The following LRIG1 variants were observed in gnomAD, a reference collection of about 807,000 sequenced individuals.
LRIG1 encodes leucine-rich repeats and immunoglobulin-like domains protein 1.
A neutral mutation model predicts 99.2 loss-of-function variants in LRIG1; 48 were observed. The observed-to-expected ratio is 0.48, with a 90% CI of 0.38 to 0.62. The LOEUF (loss-of-function observed/expected upper bound fraction) is 0.62, where lower values mean the gene tolerates loss of function less well. Among genes scored for constraint, LRIG1 ranks in the 20% least tolerant of loss-of-function variants. The pLI, the probability that LRIG1 is intolerant of heterozygous loss-of-function variation, is 0.00. For synonymous variants in LRIG1, 772 were observed against 596.1 expected (o/e 1.29, Z -4.30); for missense variants, 1,646 against 1,434.4 (o/e 1.15, Z -2.38).
At chr3:66,490,281 C>T (rs1701073109) in intron 1 of LRIG1, among the ~76,000 whole-genome samples, 1 of 152,202 alleles carries the variant, frequency 6.6e-6, no homozygotes, top group Admixed American at 6.5e-5. Flanking sequence ...TGGATCTCCC[C>T]TCCTCCAAGA....
At chr3:66,440,369 C>T (rs796350519) in intron 3 of LRIG1, among the ~76,000 whole-genome samples, 1 of 152,262 alleles carries the variant, frequency 6.6e-6, no homozygotes, top group African/African-American at 2.4e-5. Context: ...CTGCTTGCTG[C>T]ACCTACCCCA....
In LRIG1 at chr3:66,500,431, T is replaced by A; in HGVS notation, c.-24A>T. The stretch of plus-strand genomic sequence containing the variant: ...ATCTTGTCTGGAGCGCGCTGCGAAC[T>A]CCGGGCGCGGGGACTGTGAGGACCC... On this transcript the variant is annotated 5_prime_UTR_variant, in exon 1 of 19. Transcript: ENST00000273261. 1 of 1,337,902 alleles carries A rather than the reference T, an allele frequency of 7.5e-7. No individual in the cohort carries two copies. Among genetic ancestry groups the A allele is most frequent in the Non-Finnish European group, 9.6e-7 (1 of 1,045,766 alleles). The allele number at this position is 1,337,902 out of a possible 1,614,324, so 82.9% of individuals were successfully genotyped here. A position where few individuals can be genotyped will look rare whatever the true frequency, so the allele number is the denominator to read the frequency against.
chr3:66,402,901 A>T (rs1017720803), intron 9 of LRIG1, among the ~76,000 whole-genome samples: 1 of 152,116 alleles, frequency 6.6e-6, no homozygotes, highest in African/African-American at 2.4e-5. Context: ...TGGGGAGGGG[A>T]CCAAAGAGGC....
At chr3:66,463,700 C>T (rs1205519844) in intron 1 of LRIG1, among the ~76,000 whole-genome samples, 1 of 152,236 alleles carries the variant, frequency 6.6e-6, no homozygotes, top group African/African-American at 2.4e-5. Context: ...TAATTCCACT[C>T]ACACTACTGC....
chr3:66,408,913 AGTGTGTGTGTGTGTGTGTGT>A (rs55651719), intron 7 of LRIG1, among the ~76,000 whole-genome samples: 9 of 34,858 alleles, frequency 2.6e-4, no homozygotes, highest in African/African-American at 3.7e-4. Context: ...ACTCCAAGTC[AGTGTGTGTGTGTGTGTGTGT>A]GTGTGTGTGT....
At chr3:66,407,280 A>G in intron 8 of LRIG1, 68 bp downstream of exon 8, 7 of 1,547,458 alleles carry the variant, frequency 4.5e-6, no homozygotes, top group Non-Finnish European at 6.2e-6. Context: ...TCAACAAAGC[A>G]GATGGTTTGC....
At position 66,500,928 on chromosome 3, in the gene LRIG1, A is replaced by C. The variant is rs1701344915; in HGVS notation, c.-521T>G. ...CTCGCTGTCCCCACGCCGCGGCCAG[A>C]GAGCGCGCGCGCGCGCGCAGCCTCG... On this transcript the variant is annotated 5_prime_UTR_variant, in exon 1 of 19. Transcript: ENST00000273261. The C allele has an allele frequency of 1.3e-5, 2 of 151,510 alleles. No homozygotes were observed. Among genetic ancestry groups the C allele is most frequent in the South Asian group, 4.1e-4 (2 of 4,836 alleles). The allele number at this position is 151,510 out of a possible 1,614,324, so 9.4% of individuals were successfully genotyped here.
rs1423570847 is a variant in LRIG1, at chr3:66,418,372, C to T, written c.366-1106G>A. 3.3e-5 allele frequency among the ~76,000 whole-genome samples: 5 copies of T among 152,208 alleles called. No individual in the cohort carries two copies. In the South Asian group the frequency reaches 6.2e-4, roughly 19 times the overall value. ...CCTCCCAAAATGTTGGGATTACAGG[C>T]GTGAGCCACCACAGCTGGCCTGTGC... On this transcript the variant is annotated intron_variant, in intron 3 of 18. Coordinates refer to ENST00000273261, the MANE Select transcript of LRIG1 (RefSeq NM_015541.3).
Position 66,417,208 on chromosome 3 carries a change from C to T in LRIG1, c.424G>A (p.Glu142Lys). 2 of 1,614,208 alleles carry T rather than the reference C, an allele frequency of 1.2e-6. No individual in the cohort carries two copies. Among genetic ancestry groups the T allele is most frequent in the African/African-American group, 2.7e-5 (2 of 75,060 alleles). The change falls in exon 4 of 19, where the codon GAA (glutamate) becomes AAA (lysine). Residue 142 changes from glutamate to lysine, a missense_variant. Transcript: ENST00000273261. ...GSQLKAYLSLEVLDLSLNNIT... is the reference protein window; with the variant it reads ...GSQLKAYLSLKVLDLSLNNIT... Reference sequence around the variant, plus strand: ...TTGTTCAAACTCAGATCTAACACTTCTAAGGAAAGGTAGGCCTTCAGCTGG... The same window carrying T: ...TTGTTCAAACTCAGATCTAACACTTTTAAGGAAAGGTAGGCCTTCAGCTGG...
intron 17 of LRIG1, 114 bp from the exon 18 acceptor site, chr3:66,380,975 A>G (rs897058118): frequency 2.0e-5 from 20 of 1,025,208 alleles, no homozygotes; most frequent in Non-Finnish European, 2.9e-5. Context: ...GACTGCAAAC[A>G]CTGTATGCAT....
chr3:66,436,171 C>A (rs1703350754), intron 3 of LRIG1, among the ~76,000 whole-genome samples: 1 of 152,200 alleles, frequency 6.6e-6, no homozygotes, highest in Admixed American at 6.5e-5. Context: ...GGGTTGTCAT[C>A]CAGCCCTGTG....
At chr3:66,457,540 C>T (rs1266259550) in intron 2 of LRIG1, among the ~76,000 whole-genome samples, 1 of 152,132 alleles carries the variant, frequency 6.6e-6, no homozygotes, top group Non-Finnish European at 1.5e-5. Context: ...CCAAACGTAG[C>T]AGGAGAGAAG....
chr3:66,484,233 G>A (rs946557154), intron 1 of LRIG1, among the ~76,000 whole-genome samples: 4 of 152,094 alleles, frequency 2.6e-5, no homozygotes, highest in African/African-American at 9.7e-5. Flanking sequence ...TATTTCCACA[G>A]GACATACAGG....
At chr3:66,452,325 T>C (rs1033871144) in intron 2 of LRIG1, among the ~76,000 whole-genome samples, 1 of 152,218 alleles carries the variant, frequency 6.6e-6, no homozygotes, top group Non-Finnish European at 1.5e-5. Flanking sequence ...ATTTCCATAG[T>C]TAATATCTCT....
intron 2 of LRIG1, 27 bp from the exon 3 acceptor site, chr3:66,451,660 T>C: frequency 3.2e-6 from 5 of 1,559,522 alleles, no homozygotes; most frequent in East Asian, 2.2e-5. Context: ...AAATTAATCA[T>C]GTAAGGCATT....
In LRIG1 at chr3:66,383,274, C is replaced by A. The variant is rs753160528; in HGVS notation, c.2199G>T (p.Leu733=). Residue 733 remains leucine, a synonymous_variant, in exon 15 of 19, where the codon CTG becomes CTT. Coordinates refer to ENST00000273261, the MANE Select transcript of LRIG1 (RefSeq NM_015541.3). ...RITWFKGDRP[L]SLTERHHLTP... Reference sequence around the variant, plus strand: ...TCAAGTGGTGCCGCTCAGTGAGGCTCAGCGGGCGGTCCCCCTTGAACCAGG... The same window carrying A: ...TCAAGTGGTGCCGCTCAGTGAGGCTAAGCGGGCGGTCCCCCTTGAACCAGG... 2.5e-6 allele frequency: 4 copies of A among 1,613,848 alleles called. No individual in the cohort carries two copies. The highest frequency in any genetic ancestry group is 2.7e-5 in the African/African-American group (2 of 74,952).
intron 1 of LRIG1, among the ~76,000 whole-genome samples, chr3:66,475,646 T>A: frequency 6.6e-6 from 1 of 152,356 alleles, no homozygotes; most frequent in Middle Eastern, 3.4e-3. Flanking sequence ...CCAGGATCAA[T>A]AAGCCAAAGT....
At chr3:66,465,281 G>A (rs919892184) in intron 1 of LRIG1, among the ~76,000 whole-genome samples, 1 of 151,504 alleles carries the variant, frequency 6.6e-6, no homozygotes, top group Non-Finnish European at 1.5e-5. Flanking sequence ...ATTCTCCCCA[G>A]GAACTACAAT....
chr3:66,423,646 G>T (rs887363350), intron 3 of LRIG1, among the ~76,000 whole-genome samples: 4 of 152,192 alleles, frequency 2.6e-5, no homozygotes, highest in African/African-American at 7.2e-5. Flanking sequence ...GATGATTCTT[G>T]TGTCTCCCAA....
Sources: gnomAD v4.1 joint callset for allele counts (sites outside exome capture counted in the v4.1 genomes callset) on GRCh38, gnomAD v4.1.1 for gene constraint, MANE v1.5 for transcripts, NCBI Gene and HGNC (gene_info 2026-07-23, HGNC 2026-07-21) for gene names.